Variants in ZMAT4 observed in about 807,000 individuals in gnomAD.
ZMAT4 encodes zinc finger matrin-type 4, also known as zinc finger matrin-type protein 4.
In ZMAT4, 17 loss-of-function variants were observed where a neutral mutation model predicts 28.7. The observed-to-expected ratio is 0.59, with a 90% CI of 0.41 to 0.89. The LOEUF is 0.89. ZMAT4 is among the 40% of genes least tolerant of loss of function. The probability of loss-of-function intolerance (pLI) is 0.00; values close to 1 mark genes in which losing one functional copy is unlikely to be tolerated. For synonymous variants in ZMAT4, 117 were observed against 109.2 expected, an observed-to-expected ratio of 1.07 and a Z score of -0.44; for missense variants, 240 against 283.8, an observed-to-expected ratio of 0.85 and a Z score of 1.11.
chr8:40,746,267 T>C (rs186367071), intron 3 of ZMAT4, among the ~76,000 whole-genome samples: 19 of 119,562 alleles, frequency 1.6e-4, no homozygotes, highest in South Asian at 1.1e-3. Flanking sequence ...CTCCCTCCCT[T>C]CCTTCCTTTC....
intron 1 of ZMAT4, among the ~76,000 whole-genome samples, chr8:40,875,459 G>T (rs1467253316): frequency 6.6e-6 from 1 of 152,190 alleles, no homozygotes; most frequent in Non-Finnish European, 1.5e-5. Flanking sequence ...GGGTGCAAAA[G>T]GAACTGACAG....
At chr8:40,876,477 TAC>T (rs1405198098) in intron 1 of ZMAT4, among the ~76,000 whole-genome samples, 3 of 152,086 alleles carry the variant, frequency 2.0e-5, no homozygotes, top group Middle Eastern at 6.8e-3. Context: ...CATGCCTGGA[TAC>T]TTTTTTAAAA....
At chr8:40,887,584 A>G (rs1292056285) in intron 1 of ZMAT4, among the ~76,000 whole-genome samples, 1 of 152,168 alleles carries the variant, frequency 6.6e-6, no homozygotes, top group African/African-American at 2.4e-5. Context: ...AAGAAATCAG[A>G]AGTCATGTGT....
At chr8:40,640,991 AAGAT>A (rs975696605) in intron 5 of ZMAT4, among the ~76,000 whole-genome samples, 20 of 151,922 alleles carry the variant, frequency 1.3e-4, no homozygotes, top group Non-Finnish European at 1.5e-4. Context: ...AGAAAAAAAA[AAGAT>A]AGACTATACA....
intron 5 of ZMAT4, among the ~76,000 whole-genome samples, chr8:40,651,057 G>C (rs1807621328): frequency 6.6e-6 from 1 of 151,796 alleles, no homozygotes; most frequent in African/African-American, 2.4e-5. Flanking sequence ...ATTCAACATA[G>C]TGTTGGAAGT....
intron 3 of ZMAT4, among the ~76,000 whole-genome samples, chr8:40,718,298 G>T (rs1005113758): frequency 6.6e-6 from 1 of 152,238 alleles, no homozygotes; most frequent in African/African-American, 2.4e-5. Flanking sequence ...GGTTAGGCTA[G>T]CTCTACTCAG....
intron 1 of ZMAT4, among the ~76,000 whole-genome samples, chr8:40,880,230 G>T (rs531926918): frequency 1.4e-4 from 21 of 151,998 alleles, no homozygotes; most frequent in African/African-American, 4.3e-4. Context: ...TTAGCCGAGC[G>T]TCGTGGCACA....
At chr8:40,799,832 C>G (rs1027260855) in intron 2 of ZMAT4, among the ~76,000 whole-genome samples, 3 of 152,036 alleles carry the variant, frequency 2.0e-5, no homozygotes, top group Non-Finnish European at 4.4e-5. Flanking sequence ...ATGAGATACA[C>G]CAACCATGAA....
At chr8:40,584,891 C>T (rs561301139) in intron 5 of ZMAT4, among the ~76,000 whole-genome samples, 3 of 152,200 alleles carry the variant, frequency 2.0e-5, no homozygotes, top group African/African-American at 7.2e-5. Context: ...ACCTTGGCCT[C>T]CCAAAGTGCT....
In ZMAT4 at chr8:40,534,081, G is replaced by GT. The variant is rs545687346; in HGVS notation, c.675-1844dup. On this transcript the variant is annotated intron_variant, in intron 6 of 6. Transcript: ENST00000297737. ...TAGTTAGAGAAAATCAGATGAAAGG[G>GT]TTTTTTTTTTAAACTTATAGTAAAA... Among the ~76,000 whole-genome samples, 29 of 149,144 alleles carry GT rather than the reference G, an allele frequency of 1.9e-4. 1 individual carries two copies. The highest frequency in any genetic ancestry group is 9.8e-4 in the East Asian group (5 of 5,092).
intron 6 of ZMAT4, among the ~76,000 whole-genome samples, chr8:40,579,984 G>A (rs1454651638): frequency 1.3e-5 from 2 of 150,322 alleles, no homozygotes; most frequent in East Asian, 1.9e-4. Context: ...CTGGCAGGGG[G>A]AAGAGGAAGG....
intron 2 of ZMAT4, chr8:40,808,677 A>T: frequency 2.9e-6 from 1 of 346,436 alleles, no homozygotes; most frequent in South Asian, 2.3e-5. Flanking sequence ...AGGTAACAAG[A>T]AAGAGAGGGA....
At chr8:40,797,875 A>T (rs1814662740) in intron 2 of ZMAT4, among the ~76,000 whole-genome samples, 1 of 152,182 alleles carries the variant, frequency 6.6e-6, no homozygotes, top group South Asian at 2.1e-4. Context: ...GCCTTTGGAT[A>T]TGGGGCAAGA....
At chr8:40,656,657 G>A (rs1225820162) in intron 5 of ZMAT4, among the ~76,000 whole-genome samples, 4 of 152,022 alleles carry the variant, frequency 2.6e-5, no homozygotes, top group African/African-American at 9.7e-5. Flanking sequence ...AACACATTAT[G>A]CTAAATATCT....
intron 5 of ZMAT4, among the ~76,000 whole-genome samples, chr8:40,645,434 G>A (rs912302338): frequency 6.6e-6 from 1 of 152,158 alleles, no homozygotes; most frequent in Non-Finnish European, 1.5e-5. Context: ...ATGGATTAGA[G>A]AGAAGAATAT....
chr8:40,783,859 A>T (rs1813947638), intron 2 of ZMAT4, among the ~76,000 whole-genome samples: 1 of 152,130 alleles, frequency 6.6e-6, no homozygotes. Flanking sequence ...AAAAATAAAA[A>T]AATTAGCTGG....
rs952095927 is a variant in ZMAT4 at position 40,530,862 on chromosome 8, A to T, written c.*1361T>A. On this transcript the variant is annotated 3_prime_UTR_variant, in exon 7 of 7. Transcript: ENST00000297737. ...GGGCCCTGCTCAAGGGAATGGTGCC[A>T]GATTTTGAACACAGGTAAACAGGCT... 2 of 152,602 alleles carry T rather than the reference A, an allele frequency of 1.3e-5. No homozygotes were observed. The highest frequency in any genetic ancestry group is 2.4e-5 in the African/African-American group (1 of 41,430). The allele number at this position is 152,602 out of a possible 1,614,324, so 9.5% of individuals were successfully genotyped here.
At position 40,581,243 on chromosome 8, in the gene ZMAT4, C is replaced by A; in HGVS notation, c.596G>T (p.Arg199Ile). The change falls in exon 6 of 7, where the codon AGA becomes ATA. Residue 199 changes from arginine (R) to isoleucine (I), a missense_variant. Coordinates refer to ENST00000297737, the MANE Select transcript of ZMAT4 (RefSeq NM_024645.3). ...GELRGLRRNYRCTICSVSLNS... is the reference protein window; with the variant it reads ...GELRGLRRNYICTICSVSLNS... ...TAGGGAGACACTGCAGATGGTACATCTGTAATTGCGCCTCAGACCTGTGGA... is the reference window on the plus strand; with the variant it reads ...TAGGGAGACACTGCAGATGGTACATATGTAATTGCGCCTCAGACCTGTGGA... 6.2e-7 allele frequency: 1 copy of A among 1,613,286 alleles called. No individual in the cohort carries two copies. Among genetic ancestry groups the A allele is most frequent in the Non-Finnish European group, 8.5e-7 (1 of 1,179,424 alleles).
At chr8:40,581,435 T>C (rs1804462353) in intron 5 of ZMAT4, among the ~76,000 whole-genome samples, 174 bp from the exon 6 acceptor site, 1 of 152,168 alleles carries the variant, frequency 6.6e-6, no homozygotes, top group Admixed American at 6.5e-5. Context: ...AGCAGAAGTG[T>C]AATTATGAAT....
Sources: gnomAD v4.1 joint callset for allele counts (sites outside exome capture counted in the v4.1 genomes callset) on GRCh38, gnomAD v4.1.1 for gene constraint, MANE v1.5 for transcripts, NCBI Gene and HGNC (gene_info 2026-07-23, HGNC 2026-07-21) for gene names.